BRWD1: variants seen among roughly 807,000 people sequenced by gnomAD.
BRWD1 encodes bromodomain and WD repeat-containing protein 1.
A neutral mutation model predicts 251.2 loss-of-function variants in BRWD1; 82 were observed. That is an observed-to-expected ratio of 0.33 (90% confidence interval 0.27 to 0.39). The LOEUF (loss-of-function observed/expected upper bound fraction) is 0.39, where lower values mean the gene tolerates loss of function less well. Ranked by LOEUF, BRWD1 falls within the 10% of genes least tolerant of loss-of-function variation. BRWD1 has a pLI of 1.00. For missense variants in BRWD1, 2,233 were observed against 2,711.6 expected, an observed-to-expected ratio of 0.82 and a Z score of 3.92; for synonymous variants, 918 against 902.8, an observed-to-expected ratio of 1.02 and a Z score of -0.30.
At chr21:39,261,627 T>G (rs140041241) in intron 17 of BRWD1, among the ~76,000 whole-genome samples, 1 of 152,026 alleles carries the variant, frequency 6.6e-6, no homozygotes, top group Non-Finnish European at 1.5e-5. Flanking sequence ...CCATGAAAGG[T>G]TGCAGATACA....
chr21:39,268,896 G>A (rs1000169562), intron 15 of BRWD1, among the ~76,000 whole-genome samples: 9 of 152,064 alleles, frequency 5.9e-5, no homozygotes, highest in African/African-American at 2.2e-4. Context: ...GCTGAGGCAG[G>A]AGAATAGCGT....
Position 39,312,727 on chromosome 21 carries a change from C to T in BRWD1, c.198+114G>A, listed in dbSNP as rs561133720. On this transcript the variant is annotated intron_variant, in intron 4 of 40. Coordinates refer to ENST00000342449, the MANE Select transcript of BRWD1 (RefSeq NM_033656.4). ...GGAACGCAGCTATCCCCGGGCCGCC[C>T]CCCAGTGCGGGTCACACTTTGCACC... 3.0e-4 allele frequency: 202 copies of T among 674,192 alleles called. 4 individuals carry two copies. In the South Asian group the frequency reaches 3.6e-3, roughly 12 times the overall value. 41.8% of individuals were successfully genotyped at this position (674,192 alleles called of 1,614,324 possible). A position where few individuals can be genotyped will look rare whatever the true frequency, so the allele number is the denominator to read the frequency against.
intron 29 of BRWD1, among the ~76,000 whole-genome samples, chr21:39,219,183 G>A (rs1168763085): frequency 6.6e-6 from 1 of 152,180 alleles, no homozygotes; most frequent in Non-Finnish European, 1.5e-5. Flanking sequence ...CACTTTCAGA[G>A]GCCGAGGTGG....
intron 19 of BRWD1, 75 bp downstream of exon 19, chr21:39,255,570 T>A (rs2034537968): frequency 1.6e-6 from 2 of 1,227,642 alleles, no homozygotes; most frequent in Admixed American, 3.8e-5. Context: ...ATTAATGGAA[T>A]ACAGAATGTG....
rs556750520 is a variant in BRWD1, at chr21:39,195,572, A to C, written c.*687T>G. 3 of 984,828 alleles carry C rather than the reference A, an allele frequency of 3.0e-6. No individual in the cohort carries two copies. In the African/African-American group the frequency reaches 5.2e-5, roughly 17 times the overall value. The allele number at this position is 984,828 out of a possible 1,614,324, so 61.0% of individuals were successfully genotyped here. A position where few individuals can be genotyped will look rare whatever the true frequency, so the allele number is the denominator to read the frequency against. Reference sequence around the variant, plus strand: ...GAGGTTTAAAACATGCACTCAAATCATTAAAAATAATTTACCAGCACTTTA... The same window carrying C: ...GAGGTTTAAAACATGCACTCAAATCCTTAAAAATAATTTACCAGCACTTTA... On this transcript the variant is annotated 3_prime_UTR_variant, in exon 41 of 41. Transcript: ENST00000342449.
At chr21:39,235,189 C>T (rs1197831659) in intron 23 of BRWD1, among the ~76,000 whole-genome samples, 4 of 152,172 alleles carry the variant, frequency 2.6e-5, no homozygotes, top group African/African-American at 9.7e-5. Flanking sequence ...GCAGAGGCTG[C>T]AGTGAGCCAA....
At chr21:39,255,554 TAC>T in intron 19 of BRWD1, 89 bp downstream of exon 19, 1 of 1,067,466 alleles carries the variant, frequency 9.4e-7, no homozygotes, top group African/African-American at 1.6e-5. Context: ...TACAATTATT[TAC>T]ACAATTAATG....
In BRWD1 at chr21:39,218,288, G is replaced by A. The variant is rs1461497015; in HGVS notation, c.3539-16C>T. On this transcript the variant is annotated splice_polypyrimidine_tract_variant and intron_variant, in intron 30 of 40. Coordinates refer to ENST00000342449, the MANE Select transcript of BRWD1 (RefSeq NM_033656.4). The stretch of plus-strand genomic sequence containing the variant: ...GCTGCTATATCTGTTAGGGAAGACA[G>A]GAGAGTTTTTAATCAATAAATCCAT... 2 of 1,590,280 alleles carry A rather than the reference G, an allele frequency of 1.3e-6. No individual in the cohort carries two copies. The highest frequency in any genetic ancestry group is 1.2e-5 in the South Asian group (1 of 86,244).
chr21:39,306,067 A>G (rs1273176702), intron 4 of BRWD1, among the ~76,000 whole-genome samples: 1 of 150,050 alleles, frequency 6.7e-6, no homozygotes, highest in African/African-American at 2.5e-5. Context: ...GTTATCTTTA[A>G]GTATCTTTTT....
In BRWD1 at chr21:39,218,475, A is replaced by C. The variant is rs763625662; in HGVS notation, c.3538+30T>G. The stretch of plus-strand genomic sequence containing the variant: ...CTTTATGAAAAAAATTGAAAAAAAA[A>C]CTTTTCATCCTAAAAAATAAAAAAC... On this transcript the variant is annotated intron_variant, in intron 30 of 40. Coordinates refer to ENST00000342449, the MANE Select transcript of BRWD1 (RefSeq NM_033656.4). The C allele has an allele frequency of 1.8e-5, 28 of 1,545,300 alleles. No individual in the cohort carries two copies. In the South Asian group the frequency reaches 2.3e-4, roughly 13 times the overall value.
At chr21:39,267,218 T>G (rs1287412020) in intron 15 of BRWD1, among the ~76,000 whole-genome samples, 1 of 146,882 alleles carries the variant, frequency 6.8e-6, no homozygotes, top group Non-Finnish European at 1.5e-5. Flanking sequence ...TCTAAGAACC[T>G]GAGAATCAAA....
At chr21:39,272,572 A>G (rs2035151655) in intron 13 of BRWD1, among the ~76,000 whole-genome samples, 1 of 150,814 alleles carries the variant, frequency 6.6e-6, no homozygotes, top group South Asian at 2.1e-4. Flanking sequence ...TCCATTCTTC[A>G]CTTTAAACTA....
In BRWD1 at chr21:39,299,855, C is replaced by T. The variant is rs558990928; in HGVS notation, c.199-1273G>A. 1.3e-3 allele frequency among the ~76,000 whole-genome samples: 200 copies of T among 151,204 alleles called. 2 individuals are homozygous for T. The highest frequency in any genetic ancestry group is 8.1e-4 in the Non-Finnish European group (55 of 67,828). ...AAAATTAGCTGGGTGTGGTGGTAGG[C>T]GCCTGTAATCCCAGCTACTTAGGAG... is the stretch of plus-strand genomic sequence containing the variant. On this transcript the variant is annotated intron_variant, in intron 4 of 40. Coordinates refer to ENST00000342449, the MANE Select transcript of BRWD1 (RefSeq NM_033656.4).
intron 13 of BRWD1, among the ~76,000 whole-genome samples, chr21:39,273,458 C>T (rs1164659559): frequency 6.6e-6 from 1 of 152,102 alleles, no homozygotes; most frequent in Non-Finnish European, 1.5e-5. Flanking sequence ...TGAGCTACAG[C>T]AGAGAATATA....
intron 8 of BRWD1, among the ~76,000 whole-genome samples, chr21:39,281,955 C>T (rs1187308641): frequency 6.6e-6 from 1 of 150,670 alleles, no homozygotes; most frequent in Non-Finnish European, 1.5e-5. Flanking sequence ...TATATGTAGA[C>T]ATATATGTAT....
chr21:39,214,660 T>C (rs2032806202), intron 32 of BRWD1, among the ~76,000 whole-genome samples: 1 of 152,006 alleles, frequency 6.6e-6, no homozygotes, highest in Admixed American at 6.6e-5. Context: ...AAGTATACCG[T>C]AGTTATATAA....
chr21:39,220,098 T>C (rs936840123), intron 29 of BRWD1, among the ~76,000 whole-genome samples: 1 of 143,712 alleles, frequency 7.0e-6, no homozygotes, highest in African/African-American at 2.6e-5. Flanking sequence ...CTAAAAACTA[T>C]GACTTTGGGC....
chr21:39,288,260 G>C (rs969162946), intron 8 of BRWD1, among the ~76,000 whole-genome samples: 3 of 152,098 alleles, frequency 2.0e-5, no homozygotes, highest in Non-Finnish European at 4.4e-5. Context: ...ATTTCATTAT[G>C]TTGTAGTGTA....
rs2836933 is a variant in BRWD1 at position 39,192,276 on chromosome 21, C to G, written c.*3983G>C. On this transcript the variant is annotated 3_prime_UTR_variant, in exon 41 of 41. Coordinates refer to ENST00000342449, the MANE Select transcript of BRWD1 (RefSeq NM_033656.4). ...TACATACTTTACTTTTCAATCCTTA[C>G]TATTCACAGTTTGAGCTAGGAATTA... 0.35 allele frequency: 345,804 copies of G among 984,844 alleles called. 61,995 individuals are homozygous for G. The highest frequency in any genetic ancestry group is 0.38 in the Middle Eastern group (725 of 1,912). 61.0% of individuals were successfully genotyped at this position (984,844 alleles called of 1,614,324 possible). A position where few individuals can be genotyped will look rare whatever the true frequency, so the allele number is the denominator to read the frequency against.
Sources: allele counts gnomAD v4.1 joint callset (sites outside exome capture counted in the v4.1 genomes callset), GRCh38; gene constraint gnomAD v4.1.1; transcripts MANE v1.5; gene names NCBI Gene and HGNC (gene_info 2026-07-23, HGNC 2026-07-21).